Variants in NFIA observed in about 807,000 individuals in gnomAD.
The protein encoded by NFIA is nuclear factor 1 A-type.
A neutral mutation model predicts 62.8 loss-of-function variants in NFIA; 8 were observed. That is an observed-to-expected ratio of 0.13 (90% CI 0.07 to 0.23). The LOEUF is 0.23. NFIA is among the 10% of genes least tolerant of loss of function. NFIA has a pLI of 1.00. For missense variants in NFIA, 410 were observed against 642.1 expected (o/e 0.64, Z 3.91); for synonymous variants, 235 against 238.1 (o/e 0.99, Z 0.12).
chr1:61,373,641 A>C (rs2100467641), intron 6 of NFIA, among the ~76,000 whole-genome samples: 1 of 152,288 alleles, frequency 6.6e-6, no homozygotes, highest in African/African-American at 2.4e-5. Flanking sequence ...CACATCATCA[A>C]GGCTAATGTT....
chr1:61,397,619 T>C (rs534774193), intron 7 of NFIA, among the ~76,000 whole-genome samples: 5 of 152,334 alleles, frequency 3.3e-5, no homozygotes, highest in Admixed American at 3.3e-4. Flanking sequence ...GTGCCTTATA[T>C]ACATTGTCTC....
intron 2 of NFIA, among the ~76,000 whole-genome samples, chr1:61,271,548 AT>A (rs1657506853): frequency 6.6e-6 from 1 of 152,198 alleles, no homozygotes; most frequent in Admixed American, 6.5e-5. Context: ...TAAGGGGTGG[AT>A]CTCCAGAGCA....
In NFIA at chr1:61,230,708, C is replaced by T. The variant is rs1654621459; in HGVS notation, c.560-46812C>T. Among the ~76,000 whole-genome samples the T allele has an allele frequency of 2.0e-5, 3 of 152,172 alleles. No individual in the cohort carries two copies. The South Asian group carries it at 6.2e-4, about 32-fold the overall frequency. On this transcript the variant is annotated intron_variant, in intron 2 of 10. Transcript: ENST00000403491. ...TCACCAGCTGTATAAAGTCCACTCTCCTCACCCGCATCCCGTTTTTCACAC... is the reference window on the plus strand; with the variant it reads ...TCACCAGCTGTATAAAGTCCACTCTTCTCACCCGCATCCCGTTTTTCACAC...
At chr1:61,107,344 A>C (rs1646621860) in intron 2 of NFIA, among the ~76,000 whole-genome samples, 1 of 151,626 alleles carries the variant, frequency 6.6e-6, no homozygotes, top group Non-Finnish European at 1.5e-5. Context: ...AGAATTTGGC[A>C]CTGCCAGATT....
intron 2 of NFIA, among the ~76,000 whole-genome samples, chr1:61,097,028 G>A (rs1646428322): frequency 6.6e-6 from 1 of 151,970 alleles, no homozygotes; most frequent in Non-Finnish European, 1.5e-5. Flanking sequence ...TGAACTTACA[G>A]CAAAGAAAAT....
At chr1:61,325,932 C>CAAAAAAAA (rs36122626) in intron 3 of NFIA, among the ~76,000 whole-genome samples, 1 of 87,910 alleles carries the variant, frequency 1.1e-5, no homozygotes, top group Non-Finnish European at 2.1e-5. Flanking sequence ...GACTCTGTCT[C>CAAAAAAAA]AAAAAAAAAA....
At position 61,088,529 on chromosome 1, in the gene NFIA, G is replaced by A. The variant is rs1646260416; in HGVS notation, c.408G>A (p.Leu136=). ...VWRLDLVMVI[L]FKGIPLESTD... Reference sequence around the variant, plus strand: ...GGTTGGACCTTGTTATGGTGATTTTGTTTAAAGGTATTCCGCTGGAAAGTA... The same window carrying A: ...GGTTGGACCTTGTTATGGTGATTTTATTTAAAGGTATTCCGCTGGAAAGTA... Residue 136 remains leucine, a synonymous_variant, in exon 2 of 11, where the codon TTG becomes TTA. Coordinates refer to ENST00000403491, the MANE Select transcript of NFIA (RefSeq NM_001134673.4). The surrounding 1 kb of genome is among the most constrained non-coding windows in gnomAD (Gnocchi z 4.5). 2.5e-6 allele frequency: 4 copies of A among 1,614,082 alleles called. No homozygotes were observed. In the East Asian group the frequency reaches 8.9e-5, roughly 36 times the overall value.
At chr1:61,356,090 A>G (rs993569654) in intron 5 of NFIA, among the ~76,000 whole-genome samples, 3 of 152,270 alleles carry the variant, frequency 2.0e-5, no homozygotes, top group African/African-American at 7.2e-5. Flanking sequence ...CTTTGGGGCT[A>G]GATCTAACTG....
chr1:61,395,951 T>C lies in NFIA; in HGVS notation c.1076-8153T>C, dbSNP rs527267884. The stretch of plus-strand genomic sequence containing the variant: ...TAAAAGCCTTCCTTATTTCAATTTT[T>C]AGATTTTAATTTTATTTTTATGGAT... On this transcript the variant is annotated intron_variant, in intron 7 of 10. Coordinates refer to ENST00000403491, the MANE Select transcript of NFIA (RefSeq NM_001134673.4). Among the ~76,000 whole-genome samples, 5 of 152,356 alleles carry C rather than the reference T, an allele frequency of 3.3e-5. No individual in the cohort carries two copies. The East Asian group carries it at 5.8e-4, about 18-fold the overall frequency.
chr1:61,085,671 A>ATTC, intron 1 of NFIA, among the ~76,000 whole-genome samples: 1 of 152,114 alleles, frequency 6.6e-6, no homozygotes, highest in African/African-American at 2.4e-5. Flanking sequence ...TCATGACTTG[A>ATTC]GAAAGATACA....
chr1:61,416,094 A>T (rs904112380), intron 9 of NFIA, among the ~76,000 whole-genome samples: 2 of 152,264 alleles, frequency 1.3e-5, no homozygotes, highest in African/African-American at 2.4e-5. Context: ...GAGGGGATGC[A>T]TGTACGTATC....
chr1:61,422,806 C>A (rs1666693326), intron 9 of NFIA, among the ~76,000 whole-genome samples: 1 of 151,910 alleles, frequency 6.6e-6, no homozygotes, highest in Non-Finnish European at 1.5e-5. Context: ...CCTCTCCACC[C>A]CACTCCCTCA....
chr1:61,100,523 A>T (rs144488789), intron 2 of NFIA, among the ~76,000 whole-genome samples: 1,773 of 152,330 alleles, frequency 0.012, 20 homozygotes, highest in Middle Eastern at 0.065. Flanking sequence ...AGAGCATTTG[A>T]TGTTTTTAAA....
chr1:61,275,579 C>T (rs1037926762), intron 2 of NFIA, among the ~76,000 whole-genome samples: 9 of 151,966 alleles, frequency 5.9e-5, no homozygotes, highest in African/African-American at 2.2e-4. Flanking sequence ...TGTATGTTTG[C>T]TAGTATTATT....
chr1:61,146,452 C>T (rs1647989239), intron 2 of NFIA, among the ~76,000 whole-genome samples: 1 of 152,112 alleles, frequency 6.6e-6, no homozygotes, highest in African/African-American at 2.4e-5. Flanking sequence ...GAAACCCAAC[C>T]CAGGAGAAAA....
chr1:61,248,294 C>T (rs866785336), intron 2 of NFIA, among the ~76,000 whole-genome samples: 1 of 152,112 alleles, frequency 6.6e-6, no homozygotes, highest in Non-Finnish European at 1.5e-5. Context: ...TGCACAATTA[C>T]GCAAGCCTTT....
chr1:61,224,461 CTT>C (rs1379899463), intron 2 of NFIA, among the ~76,000 whole-genome samples: 1 of 152,032 alleles, frequency 6.6e-6, no homozygotes, highest in African/African-American at 2.4e-5. Flanking sequence ...CAGTGGAATC[CTT>C]TTTTCATGCA....
chr1:61,412,824 C>G (rs1666164600), intron 9 of NFIA, among the ~76,000 whole-genome samples: 1 of 152,072 alleles, frequency 6.6e-6, no homozygotes, highest in African/African-American at 2.4e-5. Flanking sequence ...TGGGACAAAG[C>G]TTTCATTATG....
chr1:61,186,743 TTTAC>T (rs1201824069), intron 2 of NFIA, among the ~76,000 whole-genome samples: 1 of 152,224 alleles, frequency 6.6e-6, no homozygotes, highest in African/African-American at 2.4e-5. Flanking sequence ...ATGTACTTCT[TTTAC>T]TAATGCACCA....
Sources: allele counts gnomAD v4.1 joint callset (sites outside exome capture counted in the v4.1 genomes callset), GRCh38; gene constraint gnomAD v4.1.1; non-coding constraint Gnocchi (gnomAD v3.1); transcripts MANE v1.5; gene names NCBI Gene and HGNC (gene_info 2026-07-23, HGNC 2026-07-21).